SYK: variants seen among roughly 807,000 people sequenced by gnomAD.
SYK encodes tyrosine-protein kinase SYK.
In SYK, 16 loss-of-function variants were observed where a neutral mutation model predicts 77.8. The ratio of observed to expected loss-of-function variants is 0.21; its 90% confidence interval spans 0.14 to 0.31. The LOEUF (loss-of-function observed/expected upper bound fraction) is 0.31. Among genes scored for constraint, SYK ranks in the 10% least tolerant of loss-of-function variants. SYK has a pLI of 1.00. For synonymous variants in SYK, 312 were observed against 308.7 expected, an observed-to-expected ratio of 1.01 and a Z score of -0.11; for missense variants, 529 against 814.4, an observed-to-expected ratio of 0.65 and a Z score of 4.26.
chr9:90,836,865 T>C (rs1826104733), intron 1 of SYK, among the ~76,000 whole-genome samples: 1 of 152,152 alleles, frequency 6.6e-6, no homozygotes, highest in Admixed American at 6.5e-5. Context: ...ACTGTAGCCA[T>C]GGTTGCCTGC....
chr9:90,830,053 T>A (rs1192834115), intron 1 of SYK, among the ~76,000 whole-genome samples: 1 of 152,234 alleles, frequency 6.6e-6, no homozygotes, highest in African/African-American at 2.4e-5. Flanking sequence ...TTCTAAACAT[T>A]AGTAAAAATC....
intron 7 of SYK, among the ~76,000 whole-genome samples, chr9:90,871,228 G>A (rs912074737): frequency 6.6e-6 from 1 of 152,182 alleles, no homozygotes; most frequent in Admixed American, 6.5e-5. Context: ...GCCATCTAGC[G>A]GTGGACTGAA....
chr9:90,897,690 A>G lies in SYK; in HGVS notation c.*2090A>G, dbSNP rs199911137. The G allele has an allele frequency of 1.3e-3, 301 of 224,794 alleles. 3 individuals are homozygous for G. Among genetic ancestry groups the G allele is most frequent in the African/African-American group, 6.0e-3 (271 of 44,966 alleles). 13.9% of individuals were successfully genotyped at this position (224,794 alleles called of 1,614,324 possible). A position where few individuals can be genotyped will look rare whatever the true frequency, so the allele number is the denominator to read the frequency against. ...TCCCAGGAGCCTGGGGATGCCAAAC[A>G]TCCAGAATGTGATGGGACAAGATGG... On this transcript the variant is annotated 3_prime_UTR_variant, in exon 14 of 14. Coordinates refer to ENST00000375754, the MANE Select transcript of SYK (RefSeq NM_003177.7).
chr9:90,839,760 G>T (rs1826224936), intron 1 of SYK, among the ~76,000 whole-genome samples: 1 of 152,184 alleles, frequency 6.6e-6, no homozygotes, highest in African/African-American at 2.4e-5. Context: ...GCCCTGCAGA[G>T]GGGACACAAG....
rs772931524 is a variant in SYK at position 90,887,829 on chromosome 9, T to C, written c.1662T>C (p.Asp554=). Residue 554 remains aspartate, a synonymous_variant, in exon 12 of 14, where the codon GAT becomes GAC. Transcript: ENST00000375754. ...INYYKFSSKS[D]VWSFGVLMWE... The stretch of plus-strand genomic sequence containing the variant: ...ACTACAAGTTCTCCAGCAAAAGCGA[T>C]GTCTGGAGCTTTGGAGTGTTGATGT... 7 of 1,613,534 alleles carry C rather than the reference T, an allele frequency of 4.3e-6. No homozygotes were observed. Among genetic ancestry groups the C allele is most frequent in the Middle Eastern group, 1.6e-4 (1 of 6,082 alleles).
intron 3 of SYK, among the ~76,000 whole-genome samples, chr9:90,847,141 A>T (rs1456504577): frequency 6.6e-6 from 1 of 152,206 alleles, no homozygotes; most frequent in Non-Finnish European, 1.5e-5. Context: ...AACCCCATGC[A>T]GAAGGCTGGG....
intron 10 of SYK, 47 bp downstream of exon 10, chr9:90,877,827 C>T (rs1274297776): frequency 1.2e-6 from 2 of 1,604,062 alleles, no homozygotes; most frequent in East Asian, 2.2e-5. Flanking sequence ...CCCTAAGGGA[C>T]AGGGCCCACC....
intron 13 of SYK, among the ~76,000 whole-genome samples, chr9:90,889,999 G>A (rs1040719516): frequency 1.2e-4 from 19 of 152,234 alleles, no homozygotes; most frequent in African/African-American, 4.1e-4. Context: ...TCTTGTAGAA[G>A]GGTGAGGAGG....
chr9:90,886,685 C>T (rs909851269), intron 11 of SYK, among the ~76,000 whole-genome samples: 4 of 151,810 alleles, frequency 2.6e-5, no homozygotes, highest in Non-Finnish European at 5.9e-5. Flanking sequence ...CCAGCCTGGG[C>T]GATAGAGTGA....
intron 9 of SYK, among the ~76,000 whole-genome samples, chr9:90,875,418 A>AAAAAG (rs10677569): frequency 0.18 from 27,790 of 150,800 alleles, 2,862 homozygotes; most frequent in Admixed American, 0.3. Context: ...ACAAAACAAA[A>AAAAAG]AAAAGAAAAG....
intron 6 of SYK, 98 bp from the exon 7 acceptor site, chr9:90,867,033 G>A: frequency 7.4e-7 from 1 of 1,349,856 alleles, no homozygotes; most frequent in Non-Finnish European, 1.1e-6. Flanking sequence ...GGTTAGTGGT[G>A]CGATTATAGA....
chr9:90,845,612 C>G lies in SYK; in HGVS notation c.578+18C>G, dbSNP rs1228998247. On this transcript the variant is annotated intron_variant, in intron 3 of 13. Coordinates refer to ENST00000375754, the MANE Select transcript of SYK (RefSeq NM_003177.7). Reference sequence around the variant, plus strand: ...AAGTTCCTGTGAGTATCGTGCCTTCCCCCTCACCTCCTGCCACCAGGCCTG... The same window carrying G: ...AAGTTCCTGTGAGTATCGTGCCTTCGCCCTCACCTCCTGCCACCAGGCCTG... 6.2e-7 allele frequency: 1 copy of G among 1,611,082 alleles called. No homozygotes were observed. The highest frequency in any genetic ancestry group is 1.1e-5 in the South Asian group (1 of 90,608).
chr9:90,890,330 TAACAGTGGG>T (rs1184014341), intron 13 of SYK, among the ~76,000 whole-genome samples: 2 of 152,184 alleles, frequency 1.3e-5, no homozygotes, highest in African/African-American at 4.8e-5. Flanking sequence ...TGGACGCACG[TAACAGTGGG>T]CAGTTATTTC....
At chr9:90,893,476 G>C (rs1003957239) in intron 13 of SYK, among the ~76,000 whole-genome samples, 2 of 152,150 alleles carry the variant, frequency 1.3e-5, no homozygotes, top group Non-Finnish European at 2.9e-5. Context: ...CAGAGAGAGC[G>C]GGAGGGAGGT....
At chr9:90,851,677 C>T (rs1826828328) in intron 3 of SYK, among the ~76,000 whole-genome samples, 1 of 152,082 alleles carries the variant, frequency 6.6e-6, no homozygotes. Context: ...ATCCCCTGCC[C>T]CCAGAGGCCT....
At chr9:90,832,324 A>C (rs1487459870) in intron 1 of SYK, among the ~76,000 whole-genome samples, 1 of 152,268 alleles carries the variant, frequency 6.6e-6, no homozygotes, top group Non-Finnish European at 1.5e-5. Context: ...AAGAAATGAC[A>C]CTATGAAGAT....
intron 1 of SYK, among the ~76,000 whole-genome samples, chr9:90,811,617 G>A (rs1035586512): frequency 6.6e-6 from 1 of 152,140 alleles, no homozygotes; most frequent in Non-Finnish European, 1.5e-5. Flanking sequence ...CATTGTATTT[G>A]TTTAAAAAAC....
chr9:90,808,554 G>C (rs1824940071), intron 1 of SYK, among the ~76,000 whole-genome samples: 1 of 151,794 alleles, frequency 6.6e-6, no homozygotes, highest in Non-Finnish European at 1.5e-5. Context: ...GGCAAGACCT[G>C]GATGTGCACA....
At chr9:90,880,900 C>T (rs1828125758) in intron 11 of SYK, among the ~76,000 whole-genome samples, 2 of 152,238 alleles carry the variant, frequency 1.3e-5, no homozygotes, top group Non-Finnish European at 2.9e-5. Context: ...TCAGCCAGCT[C>T]ACCTGCACAT....
Sources: allele counts gnomAD v4.1 joint callset (sites outside exome capture counted in the v4.1 genomes callset), GRCh38; gene constraint gnomAD v4.1.1; transcripts MANE v1.5; gene names NCBI Gene and HGNC (gene_info 2026-07-23, HGNC 2026-07-21).